The following CNTN4 variants were observed in gnomAD, a reference collection of about 807,000 sequenced individuals.
The protein encoded by CNTN4 is contactin 4.
Under a neutral mutation model 122.5 loss-of-function variants are expected in CNTN4, and 77 were observed. The observed-to-expected ratio is 0.63, with a 90% CI of 0.52 to 0.76. The LOEUF (loss-of-function observed/expected upper bound fraction) is 0.76. Among genes scored for constraint, CNTN4 ranks in the 30% least tolerant of loss-of-function variants. CNTN4 has a pLI of 0.00. For synonymous variants in CNTN4, 512 were observed against 447.0 expected (o/e 1.15, Z -1.83); for missense variants, 1,256 against 1,259.1 (o/e 1.00, Z 0.04).
intron 3 of CNTN4, among the ~76,000 whole-genome samples, chr3:2,399,623 A>G (rs769990890): frequency 2.0e-5 from 3 of 152,096 alleles, no homozygotes; most frequent in African/African-American, 4.8e-5. Flanking sequence ...TGAATGAGAT[A>G]ACACATGTAA....
intron 2 of CNTN4, among the ~76,000 whole-genome samples, chr3:2,181,546 G>A (rs2037017790): frequency 6.6e-6 from 1 of 152,098 alleles, no homozygotes; most frequent in South Asian, 2.1e-4. Flanking sequence ...ATGGGGCTCT[G>A]AGTCCCCTGA....
intron 2 of CNTN4, among the ~76,000 whole-genome samples, chr3:2,122,637 C>G (rs188217232): frequency 2.6e-5 from 4 of 152,114 alleles, no homozygotes; most frequent in Admixed American, 2.6e-4. Context: ...TTTTTTTGGT[C>G]AAAAATACTG....
intron 14 of CNTN4, among the ~76,000 whole-genome samples, chr3:2,989,762 G>C (rs1694895894): frequency 6.6e-6 from 1 of 152,196 alleles, no homozygotes; most frequent in Admixed American, 6.5e-5. Context: ...AAAGAGGTTA[G>C]ATAATATTTG....
intron 13 of CNTN4, among the ~76,000 whole-genome samples, chr3:2,942,297 T>C (rs191157600): frequency 6.3e-4 from 96 of 152,122 alleles, no homozygotes; most frequent in African/African-American, 2.2e-3. Flanking sequence ...AGTAGAAAAA[T>C]AAAAATGGCA....
At chr3:2,162,808 A>T (rs1428713373) in intron 2 of CNTN4, among the ~76,000 whole-genome samples, 2 of 152,182 alleles carry the variant, frequency 1.3e-5, no homozygotes, top group Non-Finnish European at 2.9e-5. Context: ...AAACAATAAG[A>T]AAACAGGGCT....
intron 3 of CNTN4, among the ~76,000 whole-genome samples, chr3:2,433,120 C>T (rs2048137775): frequency 6.6e-6 from 1 of 152,138 alleles, no homozygotes; most frequent in South Asian, 2.1e-4. Flanking sequence ...CAGTGCCCAG[C>T]AAAACACACT....
chr3:2,874,593 C>G (rs572171774), intron 8 of CNTN4, among the ~76,000 whole-genome samples: 11 of 152,250 alleles, frequency 7.2e-5, no homozygotes, highest in African/African-American at 2.4e-4. Flanking sequence ...CAGTTAGAAG[C>G]AGGAGTGGGG....
At chr3:2,936,497 C>T (rs973121129) in intron 13 of CNTN4, among the ~76,000 whole-genome samples, 1 of 152,204 alleles carries the variant, frequency 6.6e-6, no homozygotes, top group African/African-American at 2.4e-5. Context: ...AGGATAGACA[C>T]TAAGTCTTAT....
chr3:2,396,978 G>A (rs1371146155), intron 3 of CNTN4, among the ~76,000 whole-genome samples: 1 of 152,160 alleles, frequency 6.6e-6, no homozygotes. Context: ...TGTGTGTGAC[G>A]AGATTTGAAA....
intron 4 of CNTN4, among the ~76,000 whole-genome samples, chr3:2,633,686 C>A (rs941444158): frequency 1.3e-5 from 2 of 152,140 alleles, no homozygotes; most frequent in Non-Finnish European, 2.9e-5. Context: ...AGTAGTCCAC[C>A]GCCTATAAAG....
chr3:2,999,150 C>T (rs1388689597), intron 14 of CNTN4: 3 of 152,168 alleles, frequency 2.0e-5, no homozygotes, highest in Non-Finnish European at 4.4e-5. Context: ...ACAAAAAGAT[C>T]ATACTGTATA....
chr3:2,580,461 A>G (rs565289289), intron 4 of CNTN4, among the ~76,000 whole-genome samples: 1 of 152,316 alleles, frequency 6.6e-6, no homozygotes, highest in South Asian at 2.1e-4. Context: ...AACAACTAAC[A>G]TAAAGAAAAT....
intron 14 of CNTN4, among the ~76,000 whole-genome samples, chr3:3,011,975 T>C (rs1376721018): frequency 1.3e-5 from 2 of 152,118 alleles, no homozygotes; most frequent in Non-Finnish European, 2.9e-5. Context: ...TCATGTTATA[T>C]GCAACCACAG....
At chr3:2,306,833 T>C (rs567378961) in intron 2 of CNTN4, among the ~76,000 whole-genome samples, 6 of 152,274 alleles carry the variant, frequency 3.9e-5, no homozygotes, top group African/African-American at 9.6e-5. Context: ...ACATCTTTAA[T>C]ATACTGATTT....
intron 4 of CNTN4, among the ~76,000 whole-genome samples, chr3:2,587,258 A>AT (rs1393166511): frequency 6.6e-6 from 1 of 152,200 alleles, no homozygotes; most frequent in Non-Finnish European, 1.5e-5. Context: ...ACCAAACCAA[A>AT]TTAAACTCAC....
At chr3:2,340,710 TAGAGAG>T (rs747326741) in intron 3 of CNTN4, among the ~76,000 whole-genome samples, 6 of 18,292 alleles carry the variant, frequency 3.3e-4, no homozygotes, top group East Asian at 4.9e-3. Context: ...TATATATATA[TAGAGAG>T]AGAGAGAGAG....
At chr3:2,514,032 C>A (rs540578742) in intron 3 of CNTN4, among the ~76,000 whole-genome samples, 106 of 152,170 alleles carry the variant, frequency 7.0e-4, no homozygotes, top group African/African-American at 2.5e-3. Context: ...TCTGTGCTAC[C>A]CAAGTACACT....
chr3:2,276,078 AC>A (rs1170299894), intron 2 of CNTN4, among the ~76,000 whole-genome samples: 1 of 152,092 alleles, frequency 6.6e-6, no homozygotes, highest in African/African-American at 2.4e-5. Context: ...TATTGAAAAA[AC>A]GTATATATGC....
At chr3:2,344,536 C>T (rs1460219287) in intron 3 of CNTN4, among the ~76,000 whole-genome samples, 2 of 152,054 alleles carry the variant, frequency 1.3e-5, no homozygotes, top group Non-Finnish European at 2.9e-5. Flanking sequence ...CTTCAGCCTC[C>T]CAAAGTGCTG....
Sources: gnomAD v4.1 joint callset for allele counts (sites outside exome capture counted in the v4.1 genomes callset) on GRCh38, gnomAD v4.1.1 for gene constraint, MANE v1.5 for transcripts, NCBI Gene and HGNC (gene_info 2026-07-23, HGNC 2026-07-21) for gene names.